Variants in MUSK observed in about 807,000 individuals in gnomAD.
MUSK encodes muscle associated receptor tyrosine kinase, also known as muscle, skeletal receptor tyrosine-protein kinase.
MUSK carries 55 observed loss-of-function variants against 88.7 expected under a neutral mutation model. The ratio of observed to expected loss-of-function variants is 0.62; its 90% CI spans 0.50 to 0.78. The LOEUF (loss-of-function observed/expected upper bound fraction) is 0.78, where lower values mean the gene tolerates loss of function less well. MUSK is among the 30% of genes least tolerant of loss of function. The pLI is 0.00. For synonymous variants in MUSK, 387 were observed against 391.9 expected (o/e 0.99, Z 0.15); for missense variants, 1,015 against 1,074.3 (o/e 0.94, Z 0.77).
At chr9:110,776,104 A>C in intron 10 of MUSK, 141 bp downstream of exon 10, 2 of 765,342 alleles carry the variant, frequency 2.6e-6, no homozygotes, top group South Asian at 2.0e-5. Context: ...TTAGATACCT[A>C]CTAGCGGAAT....
chr9:110,788,451 G>A (rs1341910447), intron 14 of MUSK, among the ~76,000 whole-genome samples: 2 of 151,922 alleles, frequency 1.3e-5, no homozygotes, highest in East Asian at 1.9e-4. Flanking sequence ...GGCGAACAAG[G>A]TGAAATCCCA....
At chr9:110,759,050 C>G (rs2077363463) in intron 7 of MUSK, among the ~76,000 whole-genome samples, 1 of 152,128 alleles carries the variant, frequency 6.6e-6, no homozygotes, top group African/African-American at 2.4e-5. Context: ...AAGAACAAAG[C>G]TGGAGGAATC....
intron 7 of MUSK, among the ~76,000 whole-genome samples, chr9:110,751,178 A>G (rs1047141775): frequency 6.6e-6 from 1 of 152,214 alleles, no homozygotes; most frequent in East Asian, 1.9e-4. Flanking sequence ...CATGATTGCC[A>G]CCATACTATA....
At chr9:110,705,506 C>G (rs1041212139) in intron 5 of MUSK, among the ~76,000 whole-genome samples, 1 of 152,152 alleles carries the variant, frequency 6.6e-6, no homozygotes, top group Non-Finnish European at 1.5e-5. Context: ...TCTGACTCTT[C>G]TTTTCTATGT....
intron 5 of MUSK, among the ~76,000 whole-genome samples, chr9:110,731,328 T>C (rs2076960305): frequency 6.6e-6 from 1 of 151,870 alleles, no homozygotes; most frequent in Non-Finnish European, 1.5e-5. Flanking sequence ...ATGATTCAGA[T>C]AGTGGTGATA....
Position 110,800,696 on chromosome 9 carries a change from C to G in MUSK, c.2318C>G (p.Ser773Cys). 6.2e-7 allele frequency: 1 copy of G among 1,613,990 alleles called. No homozygotes were observed. Among genetic ancestry groups the G allele is most frequent in the Admixed American group, 1.7e-5 (1 of 60,022 alleles). ...AIPIRWMPPESIFYNRYTTES... is the reference protein window; with the variant it reads ...AIPIRWMPPECIFYNRYTTES... ...CCTATCCGTTGGATGCCACCAGAGT[C>G]CATTTTTTATAACCGCTACACTACA... The change falls in exon 15 of 15, where the codon TCC (serine) becomes TGC (cysteine). Residue 773 changes from serine to cysteine, a missense_variant. Ser to Cys is a moderately radical substitution (Grantham distance 112). Transcript: ENST00000374448.
chr9:110,682,435 C>A (rs1316479010), intron 1 of MUSK, among the ~76,000 whole-genome samples: 4 of 151,994 alleles, frequency 2.6e-5, no homozygotes, highest in African/African-American at 7.2e-5. Flanking sequence ...ATCTGCCTCT[C>A]CTCGTATATC....
At chr9:110,670,217 A>G (rs1043086775) in intron 1 of MUSK, among the ~76,000 whole-genome samples, 1 of 152,212 alleles carries the variant, frequency 6.6e-6, no homozygotes, top group African/African-American at 2.4e-5. Flanking sequence ...TCTACAGATA[A>G]AAGAGACTCT....
chr9:110,768,027 C>A lies in MUSK; in HGVS notation c.1128C>A (p.Asn376Lys), dbSNP rs773285595. Residue 376 changes from asparagine to lysine, a missense_variant, in exon 9 of 15, where the codon AAC becomes AAA. By Grantham distance (94) the Asn-to-Lys change is moderately conservative (BLOSUM62 0). Transcript: ENST00000374448. Reference sequence around the variant, plus strand: ...CAGCTGCTGAGGCTTTGTTGTGTAACCACATCTTCCAGGAGTGCAGTCCTG... The same window carrying A: ...CAGCTGCTGAGGCTTTGTTGTGTAAACACATCTTCCAGGAGTGCAGTCCTG... ...CRPAAEALLC[N>K]HIFQECSPGV... 43 of 1,613,858 alleles carry A rather than the reference C, an allele frequency of 2.7e-5. No homozygotes were observed. Among genetic ancestry groups the A allele is most frequent in the Non-Finnish European group, 3.2e-5 (38 of 1,179,888 alleles).
chr9:110,771,045 C>G (rs915081697), intron 9 of MUSK, among the ~76,000 whole-genome samples: 1 of 151,670 alleles, frequency 6.6e-6, no homozygotes, highest in Admixed American at 6.6e-5. Flanking sequence ...GAAACTGTGC[C>G]CCTTTTAACC....
At chr9:110,775,668 G>C in intron 9 of MUSK, 120 bp from the exon 10 acceptor site, 1 of 900,916 alleles carries the variant, frequency 1.1e-6, no homozygotes, top group South Asian at 1.4e-5. Context: ...TCATAAACGC[G>C]CTTTTTTCAA....
At position 110,709,127 on chromosome 9, in the gene MUSK, T is replaced by C. The variant is rs1587937406; in HGVS notation, c.628+11661T>C. 2.6e-5 allele frequency among the ~76,000 whole-genome samples: 4 copies of C among 152,312 alleles called. No homozygotes were observed. The South Asian group carries it at 8.3e-4, about 32-fold the overall frequency. ...CTCCACTGGGCTTAATTTCAAAATG[T>C]GACTATTTTGATTCATGCAAAGATA... On this transcript the variant is annotated intron_variant, in intron 5 of 14. Coordinates refer to ENST00000374448, the MANE Select transcript of MUSK (RefSeq NM_005592.4).
chr9:110,786,150 A>C (rs2132028493), intron 13 of MUSK, among the ~76,000 whole-genome samples: 1 of 151,458 alleles, frequency 6.6e-6, no homozygotes, highest in South Asian at 2.1e-4. Context: ...GTCTCTACTA[A>C]AAATACAAAA....
At chr9:110,781,761 C>T (rs551259568) in intron 11 of MUSK, among the ~76,000 whole-genome samples, 1 of 152,216 alleles carries the variant, frequency 6.6e-6, no homozygotes, top group Non-Finnish European at 1.5e-5. Context: ...TGTGTCCTCA[C>T]ATGGCAGAAC....
intron 6 of MUSK, among the ~76,000 whole-genome samples, chr9:110,734,939 C>G (rs1285197578): frequency 6.6e-6 from 1 of 151,922 alleles, no homozygotes; most frequent in East Asian, 1.9e-4. Flanking sequence ...CAGGAGTAAA[C>G]AAAACAGGCA....
chr9:110,706,561 G>T (rs1199697893), intron 5 of MUSK, among the ~76,000 whole-genome samples: 1 of 152,176 alleles, frequency 6.6e-6, no homozygotes, highest in African/African-American at 2.4e-5. Context: ...ATACTCAGGG[G>T]CAGAGGGATA....
intron 5 of MUSK, among the ~76,000 whole-genome samples, chr9:110,699,204 C>T (rs758007081): frequency 9.2e-5 from 14 of 152,146 alleles, no homozygotes; most frequent in East Asian, 1.9e-4. Context: ...CCTCTTTTCT[C>T]GTAACCTTTA....
intron 9 of MUSK, 120 bp downstream of exon 9, chr9:110,768,203 A>C: frequency 9.3e-7 from 1 of 1,075,736 alleles, no homozygotes; most frequent in Non-Finnish European, 1.3e-6. Context: ...TTCATCCAAA[A>C]TAGGAGGTTA....
rs2078092400 is a variant in MUSK, at chr9:110,801,101, T to C, written c.*113T>C. On this transcript the variant is annotated 3_prime_UTR_variant, in exon 15 of 15. Transcript: ENST00000374448. Reference sequence around the variant, plus strand: ...ACATAGGAAAGAGTAAGAGTAAACATGAGTAGTGTGTTGTTTGCTTCCCAG... The same window carrying C: ...ACATAGGAAAGAGTAAGAGTAAACACGAGTAGTGTGTTGTTTGCTTCCCAG... 2.1e-6 allele frequency: 2 copies of C among 952,362 alleles called. No homozygotes were observed. The highest frequency in any genetic ancestry group is 2.9e-6 in the Non-Finnish European group (2 of 681,308). The allele number at this position is 952,362 out of a possible 1,614,324, so 59.0% of individuals were successfully genotyped here.
Sources: gnomAD v4.1 joint callset for allele counts (sites outside exome capture counted in the v4.1 genomes callset) on GRCh38, gnomAD v4.1.1 for gene constraint, MANE v1.5 for transcripts, NCBI Gene and HGNC (gene_info 2026-07-23, HGNC 2026-07-21) for gene names.